The following RXFP1 variants were observed in gnomAD, a reference collection of about 807,000 sequenced individuals.
RXFP1 encodes relaxin receptor 1.
Under a neutral mutation model 89.8 loss-of-function variants are expected in RXFP1, and 73 were observed. The ratio of observed to expected loss-of-function variants is 0.81; its 90% CI spans 0.67 to 0.99. The LOEUF is 0.99. RXFP1 is among the 50% of genes least tolerant of loss of function. The pLI is 0.00. For synonymous variants in RXFP1, 277 were observed against 305.5 expected (o/e 0.91, Z 0.97); for missense variants, 793 against 895.5 (o/e 0.89, Z 1.46).
At chr4:158,530,072 T>G (rs1455461) in intron 1 of RXFP1, among the ~76,000 whole-genome samples, 139,126 of 152,204 alleles carry the variant, frequency 0.91, 64,857 homozygotes, top group East Asian at 1. Flanking sequence ...GACCCTGCAG[T>G]TTCCTGTAGT....
chr4:158,632,537 A>G (rs895149323), intron 11 of RXFP1, among the ~76,000 whole-genome samples: 1 of 152,156 alleles, frequency 6.6e-6, no homozygotes, highest in African/African-American at 2.4e-5. Context: ...GGCCTTTCAC[A>G]TGAGAGCTGC....
At chr4:158,550,007 G>A (rs1749674506) in intron 1 of RXFP1, among the ~76,000 whole-genome samples, 1 of 152,222 alleles carries the variant, frequency 6.6e-6, no homozygotes, top group Non-Finnish European at 1.5e-5. Flanking sequence ...AGCCTGCAGA[G>A]GTTACTGCTG....
At chr4:158,538,516 G>A (rs1188846527) in intron 1 of RXFP1, among the ~76,000 whole-genome samples, 4 of 151,806 alleles carry the variant, frequency 2.6e-5, no homozygotes, top group Non-Finnish European at 5.9e-5. Flanking sequence ...TTTTTTTTGT[G>A]GGGAGAAAGA....
intron 2 of RXFP1, among the ~76,000 whole-genome samples, chr4:158,591,107 G>T (rs989896875): frequency 6.6e-6 from 1 of 152,080 alleles, no homozygotes; most frequent in African/African-American, 2.4e-5. Flanking sequence ...ATTGGTAGAA[G>T]CTTATCTATA....
At chr4:158,568,511 A>C (rs1437610617) in intron 1 of RXFP1, among the ~76,000 whole-genome samples, 1 of 152,244 alleles carries the variant, frequency 6.6e-6, no homozygotes, top group African/African-American at 2.4e-5. Context: ...GTTCTTAAAA[A>C]ATTAATAAAG....
At chr4:158,625,894 C>T (rs1182455767) in intron 9 of RXFP1, among the ~76,000 whole-genome samples, 1 of 152,064 alleles carries the variant, frequency 6.6e-6, no homozygotes, top group Non-Finnish European at 1.5e-5. Context: ...AAGTCTATCC[C>T]TAAACCTCAG....
intron 1 of RXFP1, among the ~76,000 whole-genome samples, chr4:158,554,149 A>G (rs1011263352): frequency 6.6e-6 from 1 of 152,192 alleles, no homozygotes; most frequent in Non-Finnish European, 1.5e-5. Context: ...CCCAATTAAG[A>G]ACCACTAGCT....
Position 158,638,080 on chromosome 4 carries a change from G to C in RXFP1, c.1043+1G>C. 6.4e-7 allele frequency: 1 copy of C among 1,566,868 alleles called. No individual in the cohort carries two copies. The highest frequency in any genetic ancestry group is 1.1e-5 in the South Asian group (1 of 89,342). ...ATTATCTTGTCAAACTCAAGTCTCTGTAAGTATTCACATATGGGGATAGTT... is the reference window on the plus strand; with the variant it reads ...ATTATCTTGTCAAACTCAAGTCTCTCTAAGTATTCACATATGGGGATAGTT... On this transcript the variant is annotated splice_donor_variant, in intron 13 of 17. Transcript: ENST00000307765. LOFTEE classifies it high-confidence loss of function.
At chr4:158,550,563 C>T (rs974663853) in intron 1 of RXFP1, among the ~76,000 whole-genome samples, 1 of 152,190 alleles carries the variant, frequency 6.6e-6, no homozygotes, top group African/African-American at 2.4e-5. Context: ...AGCTGTAGAC[C>T]GGAGCTGTTC....
Position 158,651,964 on chromosome 4 carries a change from T to A in RXFP1, c.2183T>A (p.Met728Lys). The change falls in exon 18 of 18, where the codon ATG becomes AAG. Residue 728 changes from methionine to lysine, a missense_variant. Physicochemically the swap from Met to Lys is moderately conservative, Grantham distance 95 (BLOSUM62 -1). Coordinates refer to ENST00000307765, the MANE Select transcript of RXFP1 (RefSeq NM_021634.4). ...GTGGAAATGTGGCCACTGCAGGAGATGCCACCTGAGTTAATGAAGCCGGAC... is the reference window on the plus strand; with the variant it reads ...GTGGAAATGTGGCCACTGCAGGAGAAGCCACCTGAGTTAATGAAGCCGGAC... ...IWVEMWPLQE[M>K]PPELMKPDLF... 6.2e-7 allele frequency: 1 copy of A among 1,614,104 alleles called. No homozygotes were observed. Among genetic ancestry groups the A allele is most frequent in the East Asian group, 2.2e-5 (1 of 44,880 alleles).
intron 1 of RXFP1, among the ~76,000 whole-genome samples, chr4:158,554,545 T>C (rs553637361): frequency 5.3e-5 from 8 of 152,330 alleles, no homozygotes; most frequent in African/African-American, 1.7e-4. Context: ...CAACTTATTA[T>C]ATCAGTGGAT....
chr4:158,527,707 A>G (rs962700408), intron 1 of RXFP1, among the ~76,000 whole-genome samples: 23 of 151,768 alleles, frequency 1.5e-4, no homozygotes, highest in African/African-American at 2.9e-4. Context: ...TTACTTAGAC[A>G]GTTTCTACTT....
chr4:158,598,265 A>G (rs2150085096), intron 3 of RXFP1, among the ~76,000 whole-genome samples: 1 of 152,360 alleles, frequency 6.6e-6, no homozygotes, highest in Middle Eastern at 3.4e-3. Flanking sequence ...ATAGTTATAT[A>G]TAAAACATTG....
At chr4:158,640,861 C>A (rs995193473) in intron 14 of RXFP1, among the ~76,000 whole-genome samples, 1 of 152,200 alleles carries the variant, frequency 6.6e-6, no homozygotes, top group Admixed American at 6.5e-5. Flanking sequence ...CCCCATATAT[C>A]AAGGCATGAT....
intron 6 of RXFP1, chr4:158,610,598 C>A: frequency 9.6e-7 from 1 of 1,039,380 alleles, no homozygotes; most frequent in Non-Finnish European, 1.3e-6. Context: ...ACCAAAATTG[C>A]TATTATGGTT....
At chr4:158,572,436 T>C (rs1486066153) in intron 1 of RXFP1, among the ~76,000 whole-genome samples, 1 of 152,182 alleles carries the variant, frequency 6.6e-6, no homozygotes, top group African/African-American at 2.4e-5. Context: ...GGCAGACGTT[T>C]CATAGAAGAG....
chr4:158,599,562 T>C, intron 4 of RXFP1, 131 bp downstream of exon 4: 1 of 686,238 alleles, frequency 1.5e-6, no homozygotes, highest in Non-Finnish European at 2.3e-6. Context: ...GGGTCAGGTA[T>C]AATAATTACT....
At chr4:158,604,436 T>C (rs372476219) in intron 4 of RXFP1, among the ~76,000 whole-genome samples, 1 of 152,170 alleles carries the variant, frequency 6.6e-6, no homozygotes, top group Non-Finnish European at 1.5e-5. Flanking sequence ...CTACATTACA[T>C]TGCTGTTCTA....
intron 7 of RXFP1, 34 bp from the exon 8 acceptor site, chr4:158,612,257 A>G (rs779432069): frequency 2.1e-5 from 34 of 1,603,634 alleles, no homozygotes; most frequent in Non-Finnish European, 2.5e-5. Flanking sequence ...CTAGAGATAT[A>G]TAAATGAATT....
Sources: gnomAD v4.1 joint callset for allele counts (sites outside exome capture counted in the v4.1 genomes callset) on GRCh38, gnomAD v4.1.1 for gene constraint, MANE v1.5 for transcripts, NCBI Gene and HGNC (gene_info 2026-07-23, HGNC 2026-07-21) for gene names.